Variants in PTPRD observed in about 807,000 individuals in gnomAD.
PTPRD encodes protein tyrosine phosphatase receptor type D.
In PTPRD, 34 loss-of-function variants were observed where a neutral mutation model predicts 214.5. The ratio of observed to expected loss-of-function variants is 0.16; its 90% confidence interval spans 0.12 to 0.21. The LOEUF (loss-of-function observed/expected upper bound fraction) is 0.21, where lower values mean the gene tolerates loss of function less well. PTPRD is among the 10% of genes least tolerant of loss of function. The pLI, the probability that PTPRD is intolerant of heterozygous loss-of-function variation, is 1.00. For missense variants in PTPRD, 2,545 were observed against 2,398.7 expected, an observed-to-expected ratio of 1.06 and a Z score of -1.27; for synonymous variants, 1,128 against 845.7, an observed-to-expected ratio of 1.33 and a Z score of -5.79.
At chr9:9,917,452 TA>T (rs112904497) in intron 5 of PTPRD, among the ~76,000 whole-genome samples, 9,591 of 127,348 alleles carry the variant, frequency 0.075, 378 homozygotes, top group South Asian at 0.16. Context: ...GAAAATTTCC[TA>T]AAAAAAAAAA....
chr9:9,064,267 G>A (rs2099719061), intron 10 of PTPRD, among the ~76,000 whole-genome samples: 2 of 152,078 alleles, frequency 1.3e-5, no homozygotes, highest in South Asian at 2.1e-4. Context: ...ACTATGTTTA[G>A]CAGGATTAAA....
intron 8 of PTPRD, among the ~76,000 whole-genome samples, chr9:9,513,732 A>T (rs183818222): frequency 3.7e-4 from 56 of 152,170 alleles, no homozygotes; most frequent in Admixed American, 3.3e-3. Context: ...AGATAGCACC[A>T]AAATTCCATA....
chr9:8,623,257 G>T (rs1283036887), intron 14 of PTPRD, among the ~76,000 whole-genome samples: 2 of 151,900 alleles, frequency 1.3e-5, no homozygotes, highest in African/African-American at 4.8e-5. Context: ...GGAACTTCTA[G>T]TCTAAGCATG....
chr9:10,389,378 A>G (rs1461029284), intron 2 of PTPRD, among the ~76,000 whole-genome samples: 1 of 151,856 alleles, frequency 6.6e-6, no homozygotes, highest in Non-Finnish European at 1.5e-5. Context: ...ATTTTAATAT[A>G]ACATTACAAA....
At chr9:9,972,725 C>A (rs1317226764) in intron 4 of PTPRD, among the ~76,000 whole-genome samples, 1 of 152,110 alleles carries the variant, frequency 6.6e-6, no homozygotes, top group African/African-American at 2.4e-5. Context: ...CATTTCCTTA[C>A]CTTTTTCAGC....
intron 9 of PTPRD, among the ~76,000 whole-genome samples, chr9:9,376,478 T>A (rs376684053): frequency 6.6e-6 from 1 of 152,162 alleles, no homozygotes; most frequent in African/African-American, 2.4e-5. Flanking sequence ...TGTTTAGGAC[T>A]AGGAATTAAA....
chr9:9,483,152 T>C (rs1204618452), intron 8 of PTPRD, among the ~76,000 whole-genome samples: 1 of 152,146 alleles, frequency 6.6e-6, no homozygotes, highest in Admixed American at 6.6e-5. Context: ...TGCTTCTTTG[T>C]CTTAGAAATC....
At chr9:9,322,884 C>T (rs1381037157) in intron 9 of PTPRD, among the ~76,000 whole-genome samples, 2 of 152,070 alleles carry the variant, frequency 1.3e-5, no homozygotes, top group Non-Finnish European at 2.9e-5. Flanking sequence ...AGATTTGCAC[C>T]TTGACATATT....
At chr9:9,324,874 T>C (rs572188773) in intron 9 of PTPRD, among the ~76,000 whole-genome samples, 1 of 152,310 alleles carries the variant, frequency 6.6e-6, no homozygotes, top group East Asian at 1.9e-4. Context: ...TTGTATAAGG[T>C]GTAAGGAAGG....
At chr9:9,942,759 G>A (rs1412260731) in intron 4 of PTPRD, among the ~76,000 whole-genome samples, 1 of 152,072 alleles carries the variant, frequency 6.6e-6, no homozygotes, top group Admixed American at 6.6e-5. Flanking sequence ...ACATTTGTGT[G>A]TATTTTTCTG....
At chr9:8,579,324 A>C (rs961389317) in intron 14 of PTPRD, among the ~76,000 whole-genome samples, 4 of 152,226 alleles carry the variant, frequency 2.6e-5, no homozygotes, top group Admixed American at 2.6e-4. Context: ...CTCAGTAAGA[A>C]ATAATTTTAA....
At chr9:10,161,809 T>C (rs190424136) in intron 3 of PTPRD, among the ~76,000 whole-genome samples, 216 of 151,932 alleles carry the variant, frequency 1.4e-3, no homozygotes, top group African/African-American at 4.5e-3. Flanking sequence ...AAAAGATTAA[T>C]AACCAGAATA....
In PTPRD at chr9:8,626,006, C is replaced by T. The variant is rs544730031; in HGVS notation, c.352+7311G>A. On this transcript the variant is annotated intron_variant, in intron 14 of 45. Transcript: ENST00000381196. ...AATAAGATATAATAAGTTACTTGCT[C>T]TTCTAAGGAGATACGTAATTAGGGC... is the stretch of plus-strand genomic sequence containing the variant. 2.0e-5 allele frequency among the ~76,000 whole-genome samples: 3 copies of T among 151,700 alleles called. No individual in the cohort carries two copies. The Middle Eastern group carries it at 0.01, about 516-fold the overall frequency.
At chr9:9,847,969 G>A (rs774216447) in intron 5 of PTPRD, among the ~76,000 whole-genome samples, 5 of 152,190 alleles carry the variant, frequency 3.3e-5, no homozygotes, top group Admixed American at 2.0e-4. Flanking sequence ...GCCAGAAAAC[G>A]AAAATCACAC....
intron 8 of PTPRD, among the ~76,000 whole-genome samples, chr9:9,489,952 G>A (rs559076824): frequency 1.3e-5 from 2 of 152,076 alleles, no homozygotes; most frequent in Admixed American, 1.3e-4. Flanking sequence ...CATCAAGACA[G>A]GTTGTCAACA....
intron 11 of PTPRD, among the ~76,000 whole-genome samples, chr9:8,823,956 T>C (rs902191253): frequency 6.6e-6 from 1 of 152,234 alleles, no homozygotes; most frequent in Non-Finnish European, 1.5e-5. Flanking sequence ...GGATTATTCA[T>C]GTCTTCCCTT....
At chr9:8,620,243 C>T (rs142775302) in intron 14 of PTPRD, among the ~76,000 whole-genome samples, 86 of 152,054 alleles carry the variant, frequency 5.7e-4, no homozygotes, top group African/African-American at 1.9e-3. Context: ...GTATCATTTG[C>T]TCATTGAGAA....
At chr9:9,776,789 GCA>G (rs2098801858) in intron 5 of PTPRD, among the ~76,000 whole-genome samples, 4 of 152,046 alleles carry the variant, frequency 2.6e-5, no homozygotes, top group African/African-American at 9.6e-5. Context: ...GTCTCATAAA[GCA>G]CTATTTATAT....
At chr9:10,299,986 TG>T in intron 3 of PTPRD, among the ~76,000 whole-genome samples, 1 of 152,292 alleles carries the variant, frequency 6.6e-6, no homozygotes, top group East Asian at 1.9e-4. Context: ...AATATATCTC[TG>T]AAAGGCCAAT....
Sources: gnomAD v4.1 joint callset for allele counts (sites outside exome capture counted in the v4.1 genomes callset) on GRCh38, gnomAD v4.1.1 for gene constraint, MANE v1.5 for transcripts, NCBI Gene and HGNC (gene_info 2026-07-23, HGNC 2026-07-21) for gene names.